TG: variants seen among roughly 807,000 people sequenced by gnomAD.
TG encodes the protein thyroid hormones.
A neutral mutation model predicts 324.7 loss-of-function variants in TG; 270 were observed. That is an observed-to-expected ratio of 0.83 (90% CI 0.75 to 0.92). The LOEUF is 0.92. Ranked by LOEUF, TG falls within the 40% of genes least tolerant of loss-of-function variation. The pLI is 0.00. For synonymous variants in TG, 1,401 were observed against 1,327.0 expected, an observed-to-expected ratio of 1.06 and a Z score of -1.21; for missense variants, 3,591 against 3,456.4, an observed-to-expected ratio of 1.04 and a Z score of -0.98.
At chr8:133,012,671 T>C (rs1285135958) in intron 36 of TG, among the ~76,000 whole-genome samples, 2 of 152,236 alleles carry the variant, frequency 1.3e-5, no homozygotes, top group African/African-American at 4.8e-5. Flanking sequence ...TTCTATGAAT[T>C]CCATGAATCT....
chr8:133,122,187 T>TTCTTA (rs1851197689), intron 45 of TG, among the ~76,000 whole-genome samples: 1 of 152,228 alleles, frequency 6.6e-6, no homozygotes, highest in Non-Finnish European at 1.5e-5. Context: ...TAGTGTGGTT[T>TTCTTA]TCTTACTGTG....
intron 35 of TG, among the ~76,000 whole-genome samples, chr8:133,008,645 T>G (rs1316518607): frequency 6.6e-6 from 1 of 152,240 alleles, no homozygotes; most frequent in African/African-American, 2.4e-5. Flanking sequence ...AACTCTGGGT[T>G]CTGTACCTGC....
chr8:132,924,624 T>C (rs947546359), intron 22 of TG, among the ~76,000 whole-genome samples: 1 of 152,136 alleles, frequency 6.6e-6, no homozygotes, highest in Non-Finnish European at 1.5e-5. Context: ...TATGCTACAA[T>C]ATATAGTGTG....
At chr8:132,980,655 T>C (rs1830717808) in intron 34 of TG, among the ~76,000 whole-genome samples, 2 of 152,148 alleles carry the variant, frequency 1.3e-5, no homozygotes, top group African/African-American at 4.8e-5. Context: ...TTGTGATTGG[T>C]ATCTGAAGTG....
chr8:133,003,626 G>T (rs1281883522), intron 35 of TG, among the ~76,000 whole-genome samples: 1 of 152,056 alleles, frequency 6.6e-6, no homozygotes, highest in Non-Finnish European at 1.5e-5. Flanking sequence ...TAAAAAAGGG[G>T]ATATGGTGCT....
At chr8:133,074,102 A>T (rs1373171780) in intron 41 of TG, among the ~76,000 whole-genome samples, 1 of 152,126 alleles carries the variant, frequency 6.6e-6, no homozygotes, top group East Asian at 1.9e-4. Flanking sequence ...GGAGTGTGCC[A>T]TATTTCTTAG....
Position 132,871,436 on chromosome 8 carries a change from GGAT to G in TG, c.364_366del (p.Asp122del), listed in dbSNP as rs1369348329. On this transcript the variant is annotated inframe_deletion, in exon 4 of 48. Transcript: ENST00000220616. The stretch of plus-strand genomic sequence containing the variant: ...ACACCTCCTACCTCCCTCAGTGTCA[GGAT>G]TCAGGGGACTACGCGCCTGTTCAGT... 6.2e-6 allele frequency: 10 copies of G among 1,614,112 alleles called. No homozygotes were observed. The highest frequency in any genetic ancestry group is 7.6e-6 in the Non-Finnish European group (9 of 1,180,052).
chr8:133,050,742 C>A, intron 41 of TG: 2 of 1,001,672 alleles, frequency 2.0e-6, no homozygotes, highest in East Asian at 2.4e-5. Context: ...CTCTAGCTAA[C>A]AATCAAATAC....
At chr8:132,948,487 G>C (rs1051851617) in intron 26 of TG, among the ~76,000 whole-genome samples, 5 of 152,276 alleles carry the variant, frequency 3.3e-5, no homozygotes, top group Admixed American at 3.3e-4. Context: ...CAGGAAGTTG[G>C]AGGTGCTGTC....
intron 24 of TG, 77 bp downstream of exon 24, chr8:132,933,753 G>A (rs2129691605): frequency 3.0e-6 from 4 of 1,335,004 alleles, no homozygotes; most frequent in Admixed American, 3.4e-5. Flanking sequence ...CGGGCAGCAG[G>A]CTGGCCAGGC....
intron 43 of TG, 54 bp downstream of exon 43, chr8:133,096,427 T>C (rs1290499446): frequency 6.2e-6 from 10 of 1,600,074 alleles, no homozygotes; most frequent in Non-Finnish European, 8.6e-6. Context: ...CTAAGGGCTC[T>C]GGACCTCAAT....
At chr8:133,133,810 C>A in intron 47 of TG, 150 bp downstream of exon 47, 2 of 896,562 alleles carry the variant, frequency 2.2e-6, no homozygotes, top group Admixed American at 2.1e-5. Flanking sequence ...TGTTCATGGT[C>A]TGGGGAGCTC....
intron 24 of TG, among the ~76,000 whole-genome samples, chr8:132,934,496 T>C (rs572650370): frequency 1.3e-5 from 2 of 152,338 alleles, no homozygotes; most frequent in African/African-American, 4.8e-5. Context: ...CCTCCTCCAG[T>C]GGAAAGCAGG....
chr8:132,913,207 C>A lies in TG; in HGVS notation c.4320C>A (p.Cys1440Ter). 6.2e-7 allele frequency: 1 copy of A among 1,614,160 alleles called. No individual in the cohort carries two copies. Among genetic ancestry groups the A allele is most frequent in the Non-Finnish European group, 8.5e-7 (1 of 1,180,024 alleles). ...FGTSPRTWFG[C>*]SEGFYQVLTS... ...CCTCTCCCAGGACATGGTTTGGGTG[C>A]TCGGAAGGATTCTACCAAGTCTTGA... The change falls in exon 20 of 48, where the codon TGC becomes TGA. Residue 1440 changes from cysteine (C) to a stop codon, truncating the protein, a stop_gained. Coordinates refer to ENST00000220616, the MANE Select transcript of TG (RefSeq NM_003235.5). LOFTEE classifies it high-confidence loss of function.
chr8:133,001,667 G>GACCCA, intron 35 of TG: 1 of 834,240 alleles, frequency 1.2e-6, no homozygotes, highest in Non-Finnish European at 1.4e-6. Context: ...GTCTCCGTCC[G>GACCCA]ATGACGACAG....
chr8:133,049,055 T>C (rs1564116507), intron 41 of TG: 1 of 425,210 alleles, frequency 2.4e-6, no homozygotes, highest in Admixed American at 2.7e-5. Flanking sequence ...CAGATGAGGA[T>C]AATGTAACTC....
intron 16 of TG, among the ~76,000 whole-genome samples, chr8:132,905,202 G>A (rs1323754170): frequency 1.3e-5 from 2 of 152,184 alleles, no homozygotes; most frequent in African/African-American, 4.8e-5. Flanking sequence ...AACTGTCACA[G>A]AGACACTAAT....
At chr8:132,917,013 T>TCCCTC (rs1554667486) in intron 20 of TG, among the ~76,000 whole-genome samples, 1 of 74,212 alleles carries the variant, frequency 1.3e-5, no homozygotes, top group Admixed American at 1.6e-4. Context: ...CTCCCTCCCT[T>TCCCTC]CCTCCCTCCA....
chr8:132,961,142 C>T, intron 28 of TG, 69 bp downstream of exon 28: 1 of 1,450,318 alleles, frequency 6.9e-7, no homozygotes, highest in Non-Finnish European at 9.7e-7. Flanking sequence ...CACCACCTCT[C>T]ATTCACAGGG....
Sources: gnomAD v4.1 joint callset for allele counts (sites outside exome capture counted in the v4.1 genomes callset) on GRCh38, gnomAD v4.1.1 for gene constraint, MANE v1.5 for transcripts, NCBI Gene and HGNC (gene_info 2026-07-23, HGNC 2026-07-21) for gene names.